Variants in B3GALT1 observed in about 807,000 individuals in gnomAD.
The protein encoded by B3GALT1 is UDP-Gal:betaGlcNAc beta 1,3-galactosyltransferase, polypeptide 1.
B3GALT1 carries 10 observed loss-of-function variants against 23.2 expected under a neutral mutation model. That is an observed-to-expected ratio of 0.43 (90% CI 0.27 to 0.73). The LOEUF (loss-of-function observed/expected upper bound fraction) is 0.73, where lower values mean the gene tolerates loss of function less well. Among genes scored for constraint, B3GALT1 ranks in the 30% least tolerant of loss-of-function variants. B3GALT1 has a pLI of 0.21. For synonymous variants in B3GALT1, 156 were observed against 141.5 expected, an observed-to-expected ratio of 1.10 and a Z score of -0.73; for missense variants, 299 against 405.4, an observed-to-expected ratio of 0.74 and a Z score of 2.25.
At chr2:167,584,777 G>A (rs1358340896) in intron 2 of B3GALT1, among the ~76,000 whole-genome samples, 1 of 152,182 alleles carries the variant, frequency 6.6e-6, no homozygotes, top group Non-Finnish European at 1.5e-5. Context: ...CAGAGGAAGG[G>A]ATGCATAGGG....
chr2:167,763,665 T>A (rs1480966584), intron 3 of B3GALT1, among the ~76,000 whole-genome samples: 1 of 122,064 alleles, frequency 8.2e-6, no homozygotes, highest in Non-Finnish European at 1.6e-5. Context: ...CACTCTAACC[T>A]GAGTGTCAGA....
At chr2:167,578,781 G>T (rs1052735226) in intron 2 of B3GALT1, among the ~76,000 whole-genome samples, 1 of 151,982 alleles carries the variant, frequency 6.6e-6, no homozygotes, top group African/African-American at 2.4e-5. Flanking sequence ...ATTTAAACAT[G>T]TTCCAGGGAA....
chr2:167,663,181 T>G (rs1234065407), intron 3 of B3GALT1, among the ~76,000 whole-genome samples: 3 of 143,444 alleles, frequency 2.1e-5, no homozygotes, highest in Non-Finnish European at 3.0e-5. Flanking sequence ...CATTGTTCAA[T>G]TCCCACCTAT....
At chr2:167,686,596 A>T (rs1387360270) in intron 3 of B3GALT1, among the ~76,000 whole-genome samples, 3 of 152,322 alleles carry the variant, frequency 2.0e-5, no homozygotes, top group African/African-American at 7.2e-5. Context: ...ATTGAAAAGA[A>T]CAACATTTTA....
intron 1 of B3GALT1, among the ~76,000 whole-genome samples, chr2:167,459,416 T>C (rs1182049347): frequency 6.6e-6 from 1 of 152,158 alleles, no homozygotes; most frequent in Non-Finnish European, 1.5e-5. Flanking sequence ...TCCCAACCCT[T>C]TTCCTGTTGT....
At chr2:167,486,367 A>AAG (rs1553521446) in intron 1 of B3GALT1, among the ~76,000 whole-genome samples, 5 of 150,920 alleles carry the variant, frequency 3.3e-5, no homozygotes, top group East Asian at 2.0e-4. Context: ...CAAAAAAAAA[A>AAG]AAAAGAAAAG....
At chr2:167,438,852 C>G (rs760576039) in intron 1 of B3GALT1, among the ~76,000 whole-genome samples, 1 of 152,200 alleles carries the variant, frequency 6.6e-6, no homozygotes, top group Admixed American at 6.5e-5. Flanking sequence ...TGGATTGATA[C>G]TGGGAGAAAG....
chr2:167,297,241 A>G (rs1249524335), intron 1 of B3GALT1, among the ~76,000 whole-genome samples: 1 of 152,140 alleles, frequency 6.6e-6, no homozygotes, highest in Non-Finnish European at 1.5e-5. Flanking sequence ...AACAGTATTT[A>G]TGACTGTGCA....
intron 3 of B3GALT1, among the ~76,000 whole-genome samples, chr2:167,776,280 A>G (rs1460345148): frequency 4.6e-5 from 7 of 152,156 alleles, no homozygotes; most frequent in Non-Finnish European, 2.9e-5. Flanking sequence ...TAGTGAGGAA[A>G]CTTCCACACT....
chr2:167,692,764 A>G (rs2105502680), intron 3 of B3GALT1, among the ~76,000 whole-genome samples: 1 of 152,254 alleles, frequency 6.6e-6, no homozygotes, highest in Admixed American at 6.5e-5. Context: ...GCCAAGTGTC[A>G]TCTACTCAGT....
At chr2:167,557,164 T>C (rs1683867816) in intron 2 of B3GALT1, among the ~76,000 whole-genome samples, 1 of 152,188 alleles carries the variant, frequency 6.6e-6, no homozygotes, top group Non-Finnish European at 1.5e-5. Flanking sequence ...TAATTCTGTT[T>C]ATACACCTCA....
intron 4 of B3GALT1, among the ~76,000 whole-genome samples, chr2:167,867,803 A>G (rs1690263512): frequency 6.6e-6 from 1 of 152,234 alleles, no homozygotes; most frequent in Non-Finnish European, 1.5e-5. Context: ...GGACTTCATA[A>G]CCAGGCATAT....
At chr2:167,500,613 C>G (rs1323206198) in intron 2 of B3GALT1, among the ~76,000 whole-genome samples, 1 of 146,310 alleles carries the variant, frequency 6.8e-6, no homozygotes, top group African/African-American at 2.6e-5. Flanking sequence ...ACAAGGATCT[C>G]AGATAGAACT....
chr2:167,744,106 T>A (rs1343578362), intron 3 of B3GALT1, among the ~76,000 whole-genome samples: 1 of 152,192 alleles, frequency 6.6e-6, no homozygotes, highest in African/African-American at 2.4e-5. Context: ...TTTATTTGAA[T>A]TGCAGTCAGA....
intron 2 of B3GALT1, among the ~76,000 whole-genome samples, chr2:167,637,177 G>C (rs1056169111): frequency 9.2e-5 from 14 of 151,934 alleles, no homozygotes; most frequent in African/African-American, 3.4e-4. Context: ...ATGGATTTCT[G>C]TTGCTTTCAC....
intron 2 of B3GALT1, among the ~76,000 whole-genome samples, chr2:167,538,716 G>C (rs770598256): frequency 2.2e-4 from 34 of 152,136 alleles, no homozygotes; most frequent in Non-Finnish European, 4.6e-4. Flanking sequence ...GTTTATCTTG[G>C]TATAACTCAA....
intron 1 of B3GALT1, among the ~76,000 whole-genome samples, chr2:167,441,922 A>G (rs960491030): frequency 2.0e-5 from 3 of 151,646 alleles, no homozygotes; most frequent in Non-Finnish European, 2.9e-5. Flanking sequence ...GTACATGTGC[A>G]CATTGTGCAG....
intron 4 of B3GALT1, among the ~76,000 whole-genome samples, chr2:167,828,315 ACAAAATTG>A (rs1353649581): frequency 6.6e-6 from 1 of 152,160 alleles, no homozygotes; most frequent in East Asian, 1.9e-4. Flanking sequence ...TCCTAATAGC[ACAAAATTG>A]CTCTCAAGCT....
rs116939065 is a variant in B3GALT1 at position 167,568,018 on chromosome 2, G to C, written c.-410+77741G>C. On this transcript the variant is annotated intron_variant, in intron 2 of 4. Transcript: ENST00000392690. ...TTTTCAGATCAACTGATTTTACTTA[G>C]TAATATGCGTTTAAGTTTCCTCCGT... Among the ~76,000 whole-genome samples the C allele has an allele frequency of 1.6e-3, 244 of 152,104 alleles. 5 individuals carry two copies. The East Asian group carries it at 0.039, about 25-fold the overall frequency.
Sources: gnomAD v4.1 joint callset for allele counts (sites outside exome capture counted in the v4.1 genomes callset) on GRCh38, gnomAD v4.1.1 for gene constraint, MANE v1.5 for transcripts, NCBI Gene and HGNC (gene_info 2026-07-23, HGNC 2026-07-21) for gene names.